DIAPH3: variants seen among roughly 807,000 people sequenced by gnomAD.
The protein encoded by DIAPH3 is diaphanous related formin 3.
A neutral mutation model predicts 144.3 loss-of-function variants in DIAPH3; 117 were observed. The observed-to-expected ratio is 0.81, with a 90% CI of 0.70 to 0.95. The LOEUF (loss-of-function observed/expected upper bound fraction) is 0.95, where lower values mean the gene tolerates loss of function less well. Among genes scored for constraint, DIAPH3 ranks in the 40% least tolerant of loss-of-function variants. DIAPH3 has a pLI of 0.00. For synonymous variants in DIAPH3, 519 were observed against 488.9 expected, an observed-to-expected ratio of 1.06 and a Z score of -0.81; for missense variants, 1,421 against 1,412.7, an observed-to-expected ratio of 1.01 and a Z score of -0.09.
intron 1 of DIAPH3, among the ~76,000 whole-genome samples, chr13:60,139,933 C>T (rs548698433): frequency 1.4e-4 from 22 of 152,248 alleles, no homozygotes; most frequent in African/African-American, 5.3e-4. Flanking sequence ...AAAAGCAAAT[C>T]GAATCTCTGA....
chr13:59,676,477 C>T (rs1362238125), intron 27 of DIAPH3, among the ~76,000 whole-genome samples: 1 of 152,168 alleles, frequency 6.6e-6, no homozygotes, highest in Non-Finnish European at 1.5e-5. Context: ...CTTTTCTTCT[C>T]CAAGCCAAAC....
At chr13:59,838,515 A>G (rs2042160562) in intron 23 of DIAPH3, 1 of 152,152 alleles carries the variant, frequency 6.6e-6, no homozygotes, top group Non-Finnish European at 1.5e-5. Flanking sequence ...ATAACCATCT[A>G]GTATTTCTAA....
chr13:59,687,216 G>A (rs1206978658), intron 27 of DIAPH3, among the ~76,000 whole-genome samples: 2 of 152,118 alleles, frequency 1.3e-5, no homozygotes, highest in South Asian at 4.1e-4. Context: ...GCTGATTACA[G>A]TCAAAGCTGC....
At chr13:60,013,957 A>G (rs2053454024) in intron 7 of DIAPH3, among the ~76,000 whole-genome samples, 3 of 152,168 alleles carry the variant, frequency 2.0e-5, no homozygotes, top group Non-Finnish European at 4.4e-5. Context: ...ACCAAATAAA[A>G]TGGCAATATT....
At chr13:59,881,260 A>G (rs1406248452) in intron 20 of DIAPH3, among the ~76,000 whole-genome samples, 3 of 152,048 alleles carry the variant, frequency 2.0e-5, no homozygotes, top group Non-Finnish European at 4.4e-5. Flanking sequence ...ATAATGCTCT[A>G]TTACACTTAA....
intron 20 of DIAPH3, among the ~76,000 whole-genome samples, chr13:59,907,771 C>G (rs1408050275): frequency 6.6e-6 from 1 of 152,080 alleles, no homozygotes. Flanking sequence ...AGATGAACAA[C>G]TAAGAACTGA....
chr13:59,948,195 C>T (rs1566558274), intron 17 of DIAPH3, among the ~76,000 whole-genome samples: 1 of 152,114 alleles, frequency 6.6e-6, no homozygotes, highest in Non-Finnish European at 1.5e-5. Flanking sequence ...ATTCCAAAGC[C>T]GATGCTTTTC....
chr13:59,744,576 C>T (rs1017590536), intron 27 of DIAPH3, among the ~76,000 whole-genome samples: 2 of 151,878 alleles, frequency 1.3e-5, no homozygotes, highest in African/African-American at 4.8e-5. Flanking sequence ...TATGTGTGGC[C>T]CAAGACAATT....
chr13:60,118,806 T>G (rs1225022189), intron 2 of DIAPH3, among the ~76,000 whole-genome samples: 1 of 152,148 alleles, frequency 6.6e-6, no homozygotes, highest in Non-Finnish European at 1.5e-5. Flanking sequence ...TAACAGGAAA[T>G]AAAAGTACTA....
At chr13:59,844,451 C>A (rs2042517160) in intron 22 of DIAPH3, among the ~76,000 whole-genome samples, 1 of 148,876 alleles carries the variant, frequency 6.7e-6, no homozygotes. Flanking sequence ...TTGCAGTGAG[C>A]TGAGATCGCG....
chr13:59,710,716 G>A (rs2034687397), intron 27 of DIAPH3, among the ~76,000 whole-genome samples: 1 of 152,214 alleles, frequency 6.6e-6, no homozygotes, highest in South Asian at 2.1e-4. Flanking sequence ...TATCCTAGCA[G>A]AGTATCAGGC....
chr13:60,021,727 T>C (rs1321473541), intron 5 of DIAPH3, among the ~76,000 whole-genome samples: 2 of 146,416 alleles, frequency 1.4e-5, no homozygotes, highest in Non-Finnish European at 1.5e-5. Context: ...GTTTTGAAAA[T>C]GAAGGAGGCC....
chr13:59,844,306 C>T (rs2042506141), intron 22 of DIAPH3, among the ~76,000 whole-genome samples: 2 of 151,616 alleles, frequency 1.3e-5, no homozygotes, highest in Non-Finnish European at 2.9e-5. Context: ...ACATCGAGAC[C>T]ATCCTAGCTA....
intron 1 of DIAPH3, among the ~76,000 whole-genome samples, chr13:60,151,766 A>G (rs1951799138): frequency 6.6e-6 from 1 of 152,226 alleles, no homozygotes; most frequent in African/African-American, 2.4e-5. Flanking sequence ...TATACCCTCA[A>G]AAGAGACTGA....
At chr13:59,798,080 C>T (rs2039706572) in intron 25 of DIAPH3, among the ~76,000 whole-genome samples, 1 of 152,162 alleles carries the variant, frequency 6.6e-6, no homozygotes, top group Non-Finnish European at 1.5e-5. Context: ...TTCTCCCTGT[C>T]TCCCCACACC....
At chr13:59,898,231 C>G (rs1230507950) in intron 20 of DIAPH3, among the ~76,000 whole-genome samples, 3 of 151,568 alleles carry the variant, frequency 2.0e-5, no homozygotes, top group African/African-American at 7.3e-5. Context: ...CCACTATACA[C>G]TACACACATG....
intron 9 of DIAPH3, among the ~76,000 whole-genome samples, chr13:60,004,121 C>T (rs2052708163): frequency 6.6e-6 from 1 of 152,142 alleles, no homozygotes; most frequent in Admixed American, 6.5e-5. Context: ...GTTTATTTTG[C>T]TATCTCATTT....
At chr13:60,129,098 A>T (rs1566804367) in intron 2 of DIAPH3, among the ~76,000 whole-genome samples, 1 of 152,188 alleles carries the variant, frequency 6.6e-6, no homozygotes, top group Non-Finnish European at 1.5e-5. Context: ...ACAGGAGAGA[A>T]AACAGCAAGT....
chr13:60,043,496 C>T (rs1310342487), intron 4 of DIAPH3, among the ~76,000 whole-genome samples: 1 of 152,106 alleles, frequency 6.6e-6, no homozygotes, highest in African/African-American at 2.4e-5. Context: ...CAGACCAAAA[C>T]ATAACACACA....
Sources: gnomAD v4.1 joint callset for allele counts (sites outside exome capture counted in the v4.1 genomes callset) on GRCh38, gnomAD v4.1.1 for gene constraint, MANE v1.5 for transcripts, NCBI Gene and HGNC (gene_info 2026-07-23, HGNC 2026-07-21) for gene names.